The following LRP2 variants were observed in gnomAD, a reference collection of about 807,000 sequenced individuals.
The protein encoded by LRP2 is low-density lipoprotein receptor-related protein 2.
Under a neutral mutation model 531.0 loss-of-function variants are expected in LRP2, and 172 were observed. The observed-to-expected ratio is 0.32, with a 90% CI of 0.29 to 0.37. The LOEUF is 0.37. LRP2 is among the 10% of genes least tolerant of loss of function. The probability of loss-of-function intolerance (pLI) is 1.00; values close to 1 mark genes in which losing one functional copy is unlikely to be tolerated. For missense variants in LRP2, 5,167 were observed against 5,868.3 expected, an observed-to-expected ratio of 0.88 and a Z score of 3.90; for synonymous variants, 1,992 against 2,027.6, an observed-to-expected ratio of 0.98 and a Z score of 0.47.
intron 46 of LRP2, among the ~76,000 whole-genome samples, chr2:169,196,085 G>C (rs560735785): frequency 5.3e-5 from 8 of 152,142 alleles, no homozygotes; most frequent in Non-Finnish European, 1.2e-4. Context: ...GCAGTATGAA[G>C]ACAAGGACGA....
chr2:169,166,618 A>G (rs1686794687), intron 61 of LRP2, among the ~76,000 whole-genome samples: 1 of 152,160 alleles, frequency 6.6e-6, no homozygotes, highest in African/African-American at 2.4e-5. Flanking sequence ...TTGAAGCTTT[A>G]AATTGTGTTG....
At chr2:169,257,309 G>A in intron 17 of LRP2, 60 bp from the exon 18 acceptor site, 2 of 1,567,166 alleles carry the variant, frequency 1.3e-6, no homozygotes, top group Non-Finnish European at 1.8e-6. Flanking sequence ...ATGACTTCCA[G>A]AGATTTAGAA....
chr2:169,182,226 A>G lies in LRP2; in HGVS notation c.9939T>C (p.Asp3313=), dbSNP rs776109939. ...HRRMLAQHCV[D]ANNTFCFDNP... ...TATCAAAGCAGAAGGTGTTGTTGGC[A>G]TCCACACAGTGCTGGGCCAGCATGC... Residue 3313 remains aspartate, a synonymous_variant, in exon 51 of 79, where the codon GAT becomes GAC. Coordinates refer to ENST00000649046, the MANE Select transcript of LRP2 (RefSeq NM_004525.3). 7 of 1,614,190 alleles carry G rather than the reference A, an allele frequency of 4.3e-6. No homozygotes were observed. The South Asian group carries it at 4.4e-5, about 10-fold the overall frequency.
rs370823033 is a variant in LRP2, at chr2:169,294,717, TAAAAAAAA to T, written c.428-15_428-8del. On this transcript the variant is annotated splice_polypyrimidine_tract_variant and splice_region_variant and intron_variant, in intron 4 of 78. Coordinates refer to ENST00000649046, the MANE Select transcript of LRP2 (RefSeq NM_004525.3). ...TGCTCACATGTTGGGTACTCTATTG[TAAAAAAAA>T]AAAAAAAAAAAAAAAGGAAAAGGAA... The T allele has an allele frequency of 4.5e-4, 335 of 742,548 alleles. No homozygotes were observed. The highest frequency in any genetic ancestry group is 5.5e-4 in the East Asian group (19 of 34,568). The allele number at this position is 742,548 out of a possible 1,614,324, so 46.0% of individuals were successfully genotyped here. A position where few individuals can be genotyped will look rare whatever the true frequency, so the allele number is the denominator to read the frequency against.
At chr2:169,359,848 G>A (rs1046516441) in intron 1 of LRP2, among the ~76,000 whole-genome samples, 1 of 152,106 alleles carries the variant, frequency 6.6e-6, no homozygotes, top group Non-Finnish European at 1.5e-5. Flanking sequence ...ATCGGGCCAG[G>A]TGCAGTGGCT....
rs144493216 is a variant in LRP2, at chr2:169,151,882, C to T, written c.12462-856G>A. Among the ~76,000 whole-genome samples the T allele has an allele frequency of 1.9e-4, 29 of 152,226 alleles. No individual in the cohort carries two copies. In the East Asian group the frequency reaches 5.6e-3, roughly 29 times the overall value. On this transcript the variant is annotated intron_variant, in intron 67 of 78. Transcript: ENST00000649046. ...GTCTCCTGTTAGCCTGCAGGCACAG[C>T]GGGACCCAATTAGCTTCTTCAAAGA...
intron 1 of LRP2, among the ~76,000 whole-genome samples, chr2:169,350,391 G>T (rs1685814786): frequency 6.6e-6 from 1 of 152,102 alleles, no homozygotes; most frequent in East Asian, 1.9e-4. Flanking sequence ...AAATTTGAAA[G>T]TTGTCAGCAT....
chr2:169,182,159 G>A lies in LRP2; in HGVS notation c.9998+8C>T. 1 of 1,614,062 alleles carries A rather than the reference G, an allele frequency of 6.2e-7. No individual in the cohort carries two copies. ...AAAGAAAAGCCCAGGATTGCAGGGAGACAATACCCATATTGAGGGTGAAGG... is the reference window on the plus strand; with the variant it reads ...AAAGAAAAGCCCAGGATTGCAGGGAAACAATACCCATATTGAGGGTGAAGG... On this transcript the variant is annotated splice_region_variant and intron_variant, in intron 51 of 78. Transcript: ENST00000649046.
intron 7 of LRP2, among the ~76,000 whole-genome samples, chr2:169,291,301 A>G (rs1283850585): frequency 6.6e-6 from 1 of 152,172 alleles, no homozygotes; most frequent in Non-Finnish European, 1.5e-5. Context: ...CTAAGAAAAG[A>G]TGTAGTTATT....
At chr2:169,233,733 A>G in intron 29 of LRP2, 145 bp from the exon 30 acceptor site, 1 of 804,558 alleles carries the variant, frequency 1.2e-6, no homozygotes, top group Non-Finnish European at 2.1e-6. Flanking sequence ...TGTGCAAAAG[A>G]GCGGCAAAAA....
chr2:169,149,448 A>G (rs1686043316), intron 68 of LRP2, among the ~76,000 whole-genome samples: 1 of 152,188 alleles, frequency 6.6e-6, no homozygotes, highest in South Asian at 2.1e-4. Flanking sequence ...TGCAGGCCTT[A>G]GGCAGTGAAA....
chr2:169,167,649 A>G (rs1297165043), intron 61 of LRP2, among the ~76,000 whole-genome samples: 1 of 151,944 alleles, frequency 6.6e-6, no homozygotes, highest in Non-Finnish European at 1.5e-5. Context: ...TTCTATTTGG[A>G]TAGGGTGCAT....
Position 169,128,451 on chromosome 2 carries a change from C to A in LRP2, c.*212G>T. 1 of 506,772 alleles carries A rather than the reference C, an allele frequency of 2.0e-6. No homozygotes were observed. Among genetic ancestry groups the A allele is most frequent in the Non-Finnish European group, 3.5e-6 (1 of 283,712 alleles). 31.4% of individuals were successfully genotyped at this position (506,772 alleles called of 1,614,324 possible). A position where few individuals can be genotyped will look rare whatever the true frequency, so the allele number is the denominator to read the frequency against. ...GTATTACCTTCAGACAACTTCAGTG[C>A]AAAGATATACATATAGTACATTGTG... On this transcript the variant is annotated 3_prime_UTR_variant, in exon 79 of 79. Coordinates refer to ENST00000649046, the MANE Select transcript of LRP2 (RefSeq NM_004525.3).
In LRP2 at chr2:169,207,155, C is replaced by G. The variant is rs1198632306; in HGVS notation, c.6565G>C (p.Val2189Leu). The part of the protein sequence containing the change: ...TYRRVLLKVT[V>L]DMPRHIVVDP... ...ACAACAATATGCCTAGGCATGTCCACTGTGACTTTAAGAAGAACACGGCGG... is the reference window on the plus strand; with the variant it reads ...ACAACAATATGCCTAGGCATGTCCAGTGTGACTTTAAGAAGAACACGGCGG... Residue 2189 changes from valine (V) to leucine (L), a missense_variant, in exon 39 of 79, where the codon GTG becomes CTG. This residue lies in a region of LRP2 where 2,811 missense variants were observed against 3,058.0 expected (regional missense o/e 0.92). Coordinates refer to ENST00000649046, the MANE Select transcript of LRP2 (RefSeq NM_004525.3). 4 of 1,613,378 alleles carry G rather than the reference C, an allele frequency of 2.5e-6. No homozygotes were observed. Among genetic ancestry groups the G allele is most frequent in the Non-Finnish European group, 2.5e-6 (3 of 1,179,716 alleles).
chr2:169,230,160 C>T (rs1235551530), intron 31 of LRP2, among the ~76,000 whole-genome samples: 2 of 152,226 alleles, frequency 1.3e-5, no homozygotes, highest in Non-Finnish European at 2.9e-5. Context: ...ATATTGATTA[C>T]ACCAACCCCC....
chr2:169,247,504 A>C lies in LRP2; in HGVS notation c.2782T>G (p.Phe928Val), dbSNP rs200192222. The C allele has an allele frequency of 5.5e-5, 88 of 1,614,194 alleles. No individual in the cohort carries two copies. The highest frequency in any genetic ancestry group is 1.2e-4 in the Admixed American group (7 of 60,028). Residue 928 changes from phenylalanine (F) to valine (V), a missense_variant, in exon 20 of 79, where the codon TTT (phenylalanine) becomes GTT (valine). Phe to Val is a conservative substitution (Grantham distance 50). This residue lies in a region of LRP2 where 2,811 missense variants were observed against 3,058.0 expected (regional missense o/e 0.92). Transcript: ENST00000649046. The part of the protein sequence containing the change: ...GLAIFGEHLF[F>V]TDWRLGAIIR... ...ATGGCACCCAGTCTCCAGTCAGTAA[A>C]AAATAAATGCTCTGAAAAGAAACAT...
intron 53 of LRP2, 94 bp from the exon 54 acceptor site, chr2:169,176,682 CCTCTTAGT>C: frequency 9.2e-7 from 1 of 1,082,816 alleles, no homozygotes. Flanking sequence ...AAACTCATCA[CCTCTTAGT>C]AAAAAAAAAA....
rs73033864 is a variant in LRP2, at chr2:169,191,786, A to G, written c.9032+46T>C. On this transcript the variant is annotated intron_variant, in intron 48 of 78. Coordinates refer to ENST00000649046, the MANE Select transcript of LRP2 (RefSeq NM_004525.3). ...TGATAGGTAAGTGAGCCCAGCCCCCATGGACATTTGAGGCATGCTGGGTAA... is the reference window on the plus strand; with the variant it reads ...TGATAGGTAAGTGAGCCCAGCCCCCGTGGACATTTGAGGCATGCTGGGTAA... The G allele has an allele frequency of 2.0e-3, 3,186 of 1,556,336 alleles. 55 individuals carry two copies. In the African/African-American group the frequency reaches 0.037, roughly 18 times the overall value.
chr2:169,136,135 A>G lies in LRP2; in HGVS notation c.13620+1257T>C, dbSNP rs575939319. Among the ~76,000 whole-genome samples, 3 of 152,190 alleles carry G rather than the reference A, an allele frequency of 2.0e-5. No homozygotes were observed. In the South Asian group the frequency reaches 6.2e-4, roughly 32 times the overall value. ...ACTTTTTCAATTCATACAAAACCGT[A>G]TCCAGGCCATCACCAATAATTCTAC... On this transcript the variant is annotated intron_variant, in intron 76 of 78. Coordinates refer to ENST00000649046, the MANE Select transcript of LRP2 (RefSeq NM_004525.3).
Sources: gnomAD v4.1 joint callset for allele counts (sites outside exome capture counted in the v4.1 genomes callset) on GRCh38, gnomAD v4.1.1 for gene constraint, gnomAD v4.1.1 regional missense constraint, MANE v1.5 for transcripts, NCBI Gene and HGNC (gene_info 2026-07-23, HGNC 2026-07-21) for gene names.